EXT1: variants seen among roughly 807,000 people sequenced by gnomAD.
The protein encoded by EXT1 is exostosin glycosyltransferase 1, also known as exostosin-1.
In EXT1, 20 loss-of-function variants were observed where a neutral mutation model predicts 82.5. The ratio of observed to expected loss-of-function variants is 0.24; its 90% CI spans 0.17 to 0.35. EXT1 has a LOEUF of 0.35. Among genes scored for constraint, EXT1 ranks in the 10% least tolerant of loss-of-function variants. The pLI, the probability that EXT1 is intolerant of heterozygous loss-of-function variation, is 1.00. For synonymous variants in EXT1, 348 were observed against 350.8 expected, an observed-to-expected ratio of 0.99 and a Z score of 0.09; for missense variants, 757 against 936.5, an observed-to-expected ratio of 0.81 and a Z score of 2.50.
intron 1 of EXT1, among the ~76,000 whole-genome samples, chr8:117,972,021 A>G (rs1164024702): frequency 1.3e-5 from 2 of 152,102 alleles, no homozygotes; most frequent in Non-Finnish European, 2.9e-5. Flanking sequence ...GTGGTGGCGC[A>G]TGCCTCTAAT....
At chr8:117,880,742 C>CA (rs1197923769) in intron 1 of EXT1, among the ~76,000 whole-genome samples, 14 of 152,008 alleles carry the variant, frequency 9.2e-5, no homozygotes, top group African/African-American at 3.4e-4. Flanking sequence ...AGGCGCCCGC[C>CA]ACCACGCCTG....
In EXT1 at chr8:117,818,546, C is replaced by T. The variant is rs372196988; in HGVS notation, c.1537-16G>A. ...GAACTATGATCTGAAAGGGATGGGG[C>T]TCATTAGATGGCTGGGGTAGGATGT... On this transcript the variant is annotated splice_polypyrimidine_tract_variant and intron_variant, in intron 6 of 10. Coordinates refer to ENST00000378204, the MANE Select transcript of EXT1 (RefSeq NM_000127.3). The T allele has an allele frequency of 5.3e-5, 84 of 1,595,398 alleles. No homozygotes were observed. In the African/African-American group the frequency reaches 1.0e-3, roughly 19 times the overall value.
chr8:117,818,647 CA>C, intron 6 of EXT1, 117 bp from the exon 7 acceptor site: 1 of 842,568 alleles, frequency 1.2e-6, no homozygotes, highest in Non-Finnish European at 2.0e-6. Context: ...CTCAGCAAGA[CA>C]AAACGGCAGA....
At chr8:117,846,369 A>G (rs928829768) in intron 1 of EXT1, among the ~76,000 whole-genome samples, 3 of 152,092 alleles carry the variant, frequency 2.0e-5, no homozygotes, top group Non-Finnish European at 4.4e-5. Flanking sequence ...CGGCCTCCCA[A>G]AGTGTTGGGA....
chr8:118,009,101 T>C (rs1490333346), intron 1 of EXT1, among the ~76,000 whole-genome samples: 1 of 152,156 alleles, frequency 6.6e-6, no homozygotes, highest in African/African-American at 2.4e-5. Flanking sequence ...GCCATTGGCT[T>C]ACCAGGGACA....
intron 3 of EXT1, among the ~76,000 whole-genome samples, chr8:117,834,166 T>C (rs1470371251): frequency 6.6e-6 from 1 of 152,192 alleles, no homozygotes; most frequent in Non-Finnish European, 1.5e-5. Flanking sequence ...ACAGAAGTAA[T>C]GTTTCAGGAG....
chr8:117,922,415 G>A (rs2129638215), intron 1 of EXT1, among the ~76,000 whole-genome samples: 1 of 152,240 alleles, frequency 6.6e-6, no homozygotes, highest in South Asian at 2.1e-4. Context: ...AGAACAGAGG[G>A]GCAAGTTGTT....
At chr8:118,015,150 T>C (rs1330674254) in intron 1 of EXT1, among the ~76,000 whole-genome samples, 1 of 152,218 alleles carries the variant, frequency 6.6e-6, no homozygotes, top group Non-Finnish European at 1.5e-5. Flanking sequence ...AGAAGTAATG[T>C]TGCCACTGCC....
intron 1 of EXT1, among the ~76,000 whole-genome samples, chr8:118,041,217 G>C (rs1383359674): frequency 6.6e-6 from 1 of 152,154 alleles, no homozygotes; most frequent in Non-Finnish European, 1.5e-5. Context: ...AAAACAGATA[G>C]GACGTTCTTT....
intron 1 of EXT1, among the ~76,000 whole-genome samples, chr8:118,008,410 C>G (rs1385006645): frequency 1.3e-5 from 2 of 152,124 alleles, no homozygotes; most frequent in African/African-American, 4.8e-5. Context: ...TAGACGCCCA[C>G]CACCATGCCT....
At chr8:117,886,216 TTTTG>T (rs781035637) in intron 1 of EXT1, among the ~76,000 whole-genome samples, 1 of 152,184 alleles carries the variant, frequency 6.6e-6, no homozygotes, top group East Asian at 1.9e-4. Context: ...AGAATAAAGT[TTTTG>T]TTTGTTTGTT....
chr8:117,860,041 G>A (rs1009516784), intron 1 of EXT1, among the ~76,000 whole-genome samples: 1 of 151,378 alleles, frequency 6.6e-6, no homozygotes, highest in African/African-American at 2.4e-5. Flanking sequence ...CAGCTACCCG[G>A]GAGGCTGAGG....
chr8:117,802,151 C>T (rs1218042771), intron 10 of EXT1, among the ~76,000 whole-genome samples: 2 of 152,052 alleles, frequency 1.3e-5, no homozygotes, highest in African/African-American at 4.8e-5. Context: ...CCTAGTTAGA[C>T]CTAAGGTTAA....
At position 118,110,752 on chromosome 8, in the gene EXT1, G is replaced by A. The variant is rs1397695425; in HGVS notation, c.295C>T (p.Arg99Cys). Residue 99 changes from arginine to cysteine, a missense_variant, in exon 1 of 11, where the codon CGC becomes TGC. By Grantham distance (180) the Arg-to-Cys change is radical. Around this residue, in one of 4 missense-constraint regions of EXT1, gnomAD observed 175 missense variants for 159.0 expected, o/e 1.10. Coordinates refer to ENST00000378204, the MANE Select transcript of EXT1 (RefSeq NM_000127.3). ...NSSIYKGKKCRMESCFDFTLC... is the reference protein window; with the variant it reads ...NSSIYKGKKCCMESCFDFTLC... The stretch of plus-strand genomic sequence containing the variant: ...GTGAAATCGAAGCAGGACTCCATGC[G>A]GCACTTCTTGCCTTTGTAGATGCTG... 6.2e-7 allele frequency: 1 copy of A among 1,614,032 alleles called. No homozygotes were observed.
At chr8:117,991,167 G>C (rs896110862) in intron 1 of EXT1, among the ~76,000 whole-genome samples, 1 of 151,378 alleles carries the variant, frequency 6.6e-6, no homozygotes, top group Non-Finnish European at 1.5e-5. Context: ...ATGGAGTACA[G>C]TGGCGCAATC....
At chr8:118,010,076 C>A (rs1490317117) in intron 1 of EXT1, among the ~76,000 whole-genome samples, 2 of 152,102 alleles carry the variant, frequency 1.3e-5, no homozygotes, top group African/African-American at 4.8e-5. Context: ...TTGCCTATTG[C>A]AAGATGGATG....
intron 1 of EXT1, among the ~76,000 whole-genome samples, chr8:117,854,301 C>T (rs888053187): frequency 6.7e-6 from 1 of 149,642 alleles, no homozygotes; most frequent in Non-Finnish European, 1.5e-5. Context: ...GATTACAGGA[C>T]CTACCCAGGG....
chr8:117,867,437 T>C (rs1002089152), intron 1 of EXT1, among the ~76,000 whole-genome samples: 2 of 152,100 alleles, frequency 1.3e-5, no homozygotes, highest in African/African-American at 4.8e-5. Flanking sequence ...GGCTATTCCA[T>C]GGAGACAAAC....
Position 117,973,930 on chromosome 8 carries a change from CAAGGAAGGAAGGAAGGAAGG to C in EXT1, c.962+136135_962+136154del, listed in dbSNP as rs759924955. On this transcript the variant is annotated intron_variant, in intron 1 of 10. Coordinates refer to ENST00000378204, the MANE Select transcript of EXT1 (RefSeq NM_000127.3). Reference sequence around the variant, plus strand: ...GAAAGGAGGGAAGAAAGGCAGAAAGCAAGGAAGGAAGGAAGGAAGGAAGGAAGGAAGGAAGGAAGGAAGGA... The same window carrying C: ...GAAAGGAGGGAAGAAAGGCAGAAAGCAAGGAAGGAAGGAAGGAAGGAAGGA... 5.2e-4 allele frequency among the ~76,000 whole-genome samples: 41 copies of C among 79,500 alleles called. 1 individual carries two copies. Among genetic ancestry groups the C allele is most frequent in the East Asian group, 3.6e-3 (10 of 2,788 alleles). 52.2% of individuals were successfully genotyped at this position (79,500 alleles called of 152,430 possible).
Sources: gnomAD v4.1 joint callset for allele counts (sites outside exome capture counted in the v4.1 genomes callset) on GRCh38, gnomAD v4.1.1 for gene constraint, gnomAD v4.1.1 regional missense constraint, MANE v1.5 for transcripts, NCBI Gene and HGNC (gene_info 2026-07-23, HGNC 2026-07-21) for gene names.